Variants in NOS1AP observed in about 807,000 individuals in gnomAD.
NOS1AP encodes carboxyl-terminal PDZ ligand of neuronal nitric oxide synthase protein.
Under a neutral mutation model 56.2 loss-of-function variants are expected in NOS1AP, and 21 were observed. The ratio of observed to expected loss-of-function variants is 0.37; its 90% CI spans 0.26 to 0.54. The LOEUF is 0.54. Among genes scored for constraint, NOS1AP ranks in the 20% least tolerant of loss-of-function variants. NOS1AP has a pLI of 0.84. For missense variants in NOS1AP, 522 were observed against 657.8 expected (o/e 0.79, Z 2.26); for synonymous variants, 270 against 274.6 (o/e 0.98, Z 0.17).
chr1:162,272,070 C>T (rs1374137724), intron 2 of NOS1AP, among the ~76,000 whole-genome samples: 2 of 152,050 alleles, frequency 1.3e-5, no homozygotes, highest in African/African-American at 2.4e-5. Flanking sequence ...CCTGGCTGGT[C>T]TGTAACTCCT....
intron 2 of NOS1AP, among the ~76,000 whole-genome samples, chr1:162,212,471 C>G (rs888285222): frequency 4.6e-5 from 7 of 152,158 alleles, no homozygotes; most frequent in Non-Finnish European, 1.0e-4. Context: ...CACATTGACA[C>G]TCAAGGATGG....
intron 2 of NOS1AP, among the ~76,000 whole-genome samples, chr1:162,177,093 T>C (rs1003429120): frequency 6.6e-6 from 1 of 152,210 alleles, no homozygotes; most frequent in Non-Finnish European, 1.5e-5. Flanking sequence ...GCCCATATAC[T>C]GACCTGTTTT....
intron 2 of NOS1AP, among the ~76,000 whole-genome samples, chr1:162,225,595 G>C (rs1159632654): frequency 6.6e-6 from 1 of 152,226 alleles, no homozygotes; most frequent in Non-Finnish European, 1.5e-5. Flanking sequence ...AGTGCCTGCA[G>C]GTGCCTCATA....
At chr1:162,332,957 T>C in intron 4 of NOS1AP, 60 bp from the exon 5 acceptor site, 1 of 1,172,040 alleles carries the variant, frequency 8.5e-7, no homozygotes, top group South Asian at 1.2e-5. Context: ...AGAGCTTTCC[T>C]GGTTGGAGAT....
In NOS1AP at chr1:162,178,865, G is replaced by A. The variant is rs376157125; in HGVS notation, c.177+24389G>A. ...TTTAGATTTAAACTGTTTTCATTCCGAGCATTGTCAAACATACACCAAAGT... is the reference window on the plus strand; with the variant it reads ...TTTAGATTTAAACTGTTTTCATTCCAAGCATTGTCAAACATACACCAAAGT... On this transcript the variant is annotated intron_variant, in intron 2 of 9. Transcript: ENST00000361897. 1.0e-3 allele frequency among the ~76,000 whole-genome samples: 157 copies of A among 152,222 alleles called. 3 individuals are homozygous for A. The South Asian group carries it at 0.029, about 28-fold the overall frequency.
rs78159424 is a variant in NOS1AP, at chr1:162,149,496, G to A, written c.106-4909G>A. Reference sequence around the variant, plus strand: ...GGACAGACAGAAGTTAGTTGTGGAGGTGGTAATGATTAGTTATCAAGGTAC... The same window carrying A: ...GGACAGACAGAAGTTAGTTGTGGAGATGGTAATGATTAGTTATCAAGGTAC... On this transcript the variant is annotated intron_variant, in intron 1 of 9. Coordinates refer to ENST00000361897, the MANE Select transcript of NOS1AP (RefSeq NM_014697.3). Among the ~76,000 whole-genome samples, 1,324 of 152,340 alleles carry A rather than the reference G, an allele frequency of 8.7e-3. 17 individuals are homozygous for A. Among genetic ancestry groups the A allele is most frequent in the African/African-American group, 0.029 (1,224 of 41,570 alleles).
At chr1:162,345,982 C>T (rs1657282395) in intron 6 of NOS1AP, among the ~76,000 whole-genome samples, 1 of 152,126 alleles carries the variant, frequency 6.6e-6, no homozygotes, top group South Asian at 2.1e-4. Flanking sequence ...TCCAGTAAAA[C>T]TGTGCTTATA....
chr1:162,196,855 C>T (rs1272940994), intron 2 of NOS1AP, among the ~76,000 whole-genome samples: 5 of 152,190 alleles, frequency 3.3e-5, no homozygotes, highest in South Asian at 2.1e-4. Context: ...ATTGTGCGAA[C>T]GAATCTAGAG....
At chr1:162,172,851 T>C (rs1400001062) in intron 2 of NOS1AP, among the ~76,000 whole-genome samples, 1 of 152,208 alleles carries the variant, frequency 6.6e-6, no homozygotes, top group Non-Finnish European at 1.5e-5. Context: ...GATTCTGCTA[T>C]TCAGGCAGCA....
intron 2 of NOS1AP, among the ~76,000 whole-genome samples, chr1:162,209,922 T>C (rs1652291681): frequency 6.6e-6 from 1 of 152,180 alleles, no homozygotes; most frequent in Non-Finnish European, 1.5e-5. Context: ...TCTTCATCAC[T>C]GGGGCCATTT....
chr1:162,314,985 C>A (rs539891670), intron 4 of NOS1AP, among the ~76,000 whole-genome samples: 12 of 152,240 alleles, frequency 7.9e-5, no homozygotes, highest in African/African-American at 2.4e-4. Flanking sequence ...ATTTACCTTC[C>A]CAAGAGATAT....
At chr1:162,334,314 A>G (rs150616918) in intron 5 of NOS1AP, among the ~76,000 whole-genome samples, 262 of 152,350 alleles carry the variant, frequency 1.7e-3, no homozygotes, top group African/African-American at 6.0e-3. Context: ...GATGGCAGGA[A>G]TAAAAGAGTA....
chr1:162,361,858 G>T (rs926819192), intron 8 of NOS1AP, among the ~76,000 whole-genome samples: 1 of 152,162 alleles, frequency 6.6e-6, no homozygotes, highest in Non-Finnish European at 1.5e-5. Context: ...TGTAAGAGGG[G>T]ACTTTTCCTT....
chr1:162,297,294 C>T (rs72718108), intron 3 of NOS1AP, among the ~76,000 whole-genome samples: 40,931 of 151,820 alleles, frequency 0.27, 6,173 homozygotes, highest in East Asian at 0.45. Flanking sequence ...GCAGACTGTC[C>T]TGATGGTAAG....
At chr1:162,087,495 A>G (rs1334940700) in intron 1 of NOS1AP, among the ~76,000 whole-genome samples, 4 of 152,174 alleles carry the variant, frequency 2.6e-5, no homozygotes, top group Non-Finnish European at 5.9e-5. Flanking sequence ...ACAAGCTGCA[A>G]TGCCAATCCC....
chr1:162,261,521 AG>A (rs757819990), intron 2 of NOS1AP, among the ~76,000 whole-genome samples: 700 of 35,880 alleles, frequency 0.02, 306 homozygotes, highest in Non-Finnish European at 0.038. Context: ...AGAGAGAGAG[AG>A]AGAGAGAGAG....
chr1:162,099,574 G>C (rs1692332727), intron 1 of NOS1AP, among the ~76,000 whole-genome samples: 1 of 152,114 alleles, frequency 6.6e-6, no homozygotes, highest in African/African-American at 2.4e-5. Flanking sequence ...CCAATGATCA[G>C]TGATGTTGAG....
chr1:162,321,656 C>T (rs1471894093), intron 4 of NOS1AP, among the ~76,000 whole-genome samples: 1 of 150,290 alleles, frequency 6.7e-6, no homozygotes, highest in East Asian at 1.9e-4. Context: ...CAACATGGCA[C>T]ATGTATACAT....
At position 162,315,089 on chromosome 1, in the gene NOS1AP, C is replaced by T. The variant is rs867757163; in HGVS notation, c.344+14383C>T. 1.3e-5 allele frequency among the ~76,000 whole-genome samples: 2 copies of T among 152,214 alleles called. 1 individual carries two copies. The highest frequency in any genetic ancestry group is 6.3e-3 in the Middle Eastern group (2 of 316). On this transcript the variant is annotated intron_variant, in intron 4 of 9. Coordinates refer to ENST00000361897, the MANE Select transcript of NOS1AP (RefSeq NM_014697.3). The stretch of plus-strand genomic sequence containing the variant: ...GGAAGAGGATTCGCTTAGGAGGGAC[C>T]TTTATGTTACCCTCAGTGTCCTTGG...
Sources: gnomAD v4.1 joint callset for allele counts (sites outside exome capture counted in the v4.1 genomes callset) on GRCh38, gnomAD v4.1.1 for gene constraint, MANE v1.5 for transcripts, NCBI Gene and HGNC (gene_info 2026-07-23, HGNC 2026-07-21) for gene names.